AQR: variants seen among roughly 807,000 people sequenced by gnomAD.
AQR encodes aquarius intron-binding spliceosomal factor.
AQR carries 61 observed loss-of-function variants against 180.5 expected under a neutral mutation model. The observed-to-expected ratio is 0.34, with a 90% CI of 0.28 to 0.42. The LOEUF is 0.42. Among genes scored for constraint, AQR ranks in the 10% least tolerant of loss-of-function variants. The probability of loss-of-function intolerance (pLI) is 1.00; values close to 1 mark genes in which losing one functional copy is unlikely to be tolerated. For missense variants in AQR, 1,281 were observed against 1,798.3 expected, an observed-to-expected ratio of 0.71 and a Z score of 5.20; for synonymous variants, 551 against 588.8, an observed-to-expected ratio of 0.94 and a Z score of 0.93.
intron 19 of AQR, 37 bp from the exon 20 acceptor site, chr15:34,900,900 T>C (rs775977577): frequency 7.8e-6 from 12 of 1,547,336 alleles, no homozygotes; most frequent in Non-Finnish European, 7.9e-6. Flanking sequence ...TGTGTCAGTA[T>C]GACATCTCCA....
At position 34,969,483 on chromosome 15, in the gene AQR, C is replaced by T. The variant is rs939460323; in HGVS notation, c.75+56G>A. ...CCTGAAAAAAAACCCCACCACCAGG[C>T]CTCGGGGCCACGACGTCCATACCCA... On this transcript the variant is annotated intron_variant, in intron 1 of 34. Coordinates refer to ENST00000156471, the MANE Select transcript of AQR (RefSeq NM_014691.3). 4.4e-6 allele frequency: 7 copies of T among 1,595,842 alleles called. No individual in the cohort carries two copies. The African/African-American group carries it at 8.0e-5, about 18-fold the overall frequency.
intron 31 of AQR, among the ~76,000 whole-genome samples, chr15:34,870,458 A>T (rs1318909251): frequency 6.6e-6 from 1 of 152,086 alleles, no homozygotes; most frequent in Non-Finnish European, 1.5e-5. Flanking sequence ...GCAAAGCAAA[A>T]CATACTCCTT....
At chr15:34,875,769 T>C (rs1256100293) in intron 28 of AQR, among the ~76,000 whole-genome samples, 166 bp downstream of exon 28, 1 of 152,156 alleles carries the variant, frequency 6.6e-6, no homozygotes, top group African/African-American at 2.4e-5. Context: ...AGCCAGTGAA[T>C]AGATTCAAGA....
At chr15:34,859,992 A>G (rs1892646485) in intron 34 of AQR, 50 bp downstream of exon 34, 1 of 1,019,274 alleles carries the variant, frequency 9.8e-7, no homozygotes, top group Non-Finnish European at 1.3e-6. Flanking sequence ...TGAAAAAAAG[A>G]AAATTATTTC....
chr15:34,963,661 CTT>C (rs35112194), intron 2 of AQR, among the ~76,000 whole-genome samples: 9 of 148,680 alleles, frequency 6.1e-5, no homozygotes, highest in African/African-American at 1.0e-4. Flanking sequence ...TACACGTACA[CTT>C]TTTTTTTTTC....
chr15:34,969,741 A>G lies in AQR; in HGVS notation c.-128T>C. The G allele has an allele frequency of 1.1e-6, 1 of 918,620 alleles. No individual in the cohort carries two copies. The highest frequency in any genetic ancestry group is 1.7e-5 in the South Asian group (1 of 58,798). The allele number at this position is 918,620 out of a possible 1,614,324, so 56.9% of individuals were successfully genotyped here. On this transcript the variant is annotated 5_prime_UTR_variant, in exon 1 of 35. Coordinates refer to ENST00000156471, the MANE Select transcript of AQR (RefSeq NM_014691.3). Reference sequence around the variant, plus strand: ...GCGCCGCACAAACGCTCCGGGCCGGATATCCTCAGCCTTCAGAGTCCCGTA... The same window carrying G: ...GCGCCGCACAAACGCTCCGGGCCGGGTATCCTCAGCCTTCAGAGTCCCGTA...
chr15:34,859,943 G>T, intron 34 of AQR, 99 bp downstream of exon 34: 3 of 505,630 alleles, frequency 5.9e-6, no homozygotes, highest in East Asian at 3.4e-5. Flanking sequence ...TAGTTTAGCT[G>T]ATTTCCCACA....
chr15:34,919,150 A>G (rs1418782835), intron 14 of AQR, among the ~76,000 whole-genome samples: 1 of 151,776 alleles, frequency 6.6e-6, no homozygotes, highest in African/African-American at 2.4e-5. Flanking sequence ...GAGGCAAGAG[A>G]ATTGCTTGAA....
intron 32 of AQR, 114 bp downstream of exon 32, chr15:34,867,410 C>T (rs1423468174): frequency 1.2e-6 from 1 of 824,694 alleles, no homozygotes; most frequent in East Asian, 2.8e-5. Flanking sequence ...GCAAAAGTTG[C>T]CTAGTAATTA....
At chr15:34,927,818 G>T (rs760402066) in intron 12 of AQR, among the ~76,000 whole-genome samples, 5 of 152,220 alleles carry the variant, frequency 3.3e-5, no homozygotes, top group Non-Finnish European at 7.3e-5. Context: ...TGCCATGAGT[G>T]AGCTTGCCAT....
intron 24 of AQR, among the ~76,000 whole-genome samples, chr15:34,886,960 T>TA (rs1345367199): frequency 9.2e-5 from 14 of 151,730 alleles, no homozygotes; most frequent in African/African-American, 3.1e-4. Context: ...CTGTCTCTAC[T>TA]AAAAATACAA....
intron 5 of AQR, among the ~76,000 whole-genome samples, chr15:34,945,876 AT>A (rs1894105221): frequency 1.3e-5 from 2 of 152,212 alleles, no homozygotes; most frequent in Non-Finnish European, 2.9e-5. Context: ...GAAAACAAAG[AT>A]TTTGGATCCC....
At chr15:34,956,696 G>GAAAAAAAAAAAAAA (rs565202160) in intron 3 of AQR, among the ~76,000 whole-genome samples, 11 of 83,348 alleles carry the variant, frequency 1.3e-4, no homozygotes, top group South Asian at 5.5e-4. Flanking sequence ...TAAGAAGTCA[G>GAAAAAAAAAAAAAA]AAAAAAAAAA....
intron 3 of AQR, among the ~76,000 whole-genome samples, chr15:34,956,201 A>T (rs1371484210): frequency 6.6e-6 from 1 of 152,158 alleles, no homozygotes; most frequent in East Asian, 1.9e-4. Flanking sequence ...ATACATTTCA[A>T]ATAAAAATAA....
chr15:34,900,200 G>A (rs1264834351), intron 20 of AQR, among the ~76,000 whole-genome samples: 1 of 152,032 alleles, frequency 6.6e-6, no homozygotes, highest in African/African-American at 2.4e-5. Context: ...GCTATATTAT[G>A]AACATTTCAA....
Position 34,948,114 on chromosome 15 carries a change from T to TACC in AQR, c.330+149_330+150insGGT, listed in dbSNP as rs994426313. ...AGTATTGAAACCAAAAGAAAACATATCTTTCACATACCCATTCTTTTTCTC... is the reference window on the plus strand; with the variant it reads ...AGTATTGAAACCAAAAGAAAACATATACCCTTTCACATACCCATTCTTTTTCTC... On this transcript the variant is annotated intron_variant, in intron 5 of 34. Coordinates refer to ENST00000156471, the MANE Select transcript of AQR (RefSeq NM_014691.3). 3 of 803,244 alleles carry TACC rather than the reference T, an allele frequency of 3.7e-6. No individual in the cohort carries two copies. In the Admixed American group the frequency reaches 8.6e-5, roughly 23 times the overall value. 49.8% of individuals were successfully genotyped at this position (803,244 alleles called of 1,614,324 possible). A position where few individuals can be genotyped will look rare whatever the true frequency, so the allele number is the denominator to read the frequency against.
intron 30 of AQR, among the ~76,000 whole-genome samples, chr15:34,873,312 A>G (rs1892847632): frequency 6.6e-6 from 1 of 152,168 alleles, no homozygotes; most frequent in Non-Finnish European, 1.5e-5. Flanking sequence ...CTAGCATTGT[A>G]TGAGAATAAA....
At chr15:34,909,919 T>G (rs972502371) in intron 17 of AQR, among the ~76,000 whole-genome samples, 1 of 152,252 alleles carries the variant, frequency 6.6e-6, no homozygotes, top group African/African-American at 2.4e-5. Context: ...TACTTTTTAT[T>G]AAAGTATTAA....
chr15:34,922,166 A>G (rs1893693384), intron 13 of AQR, among the ~76,000 whole-genome samples: 1 of 152,150 alleles, frequency 6.6e-6, no homozygotes, highest in African/African-American at 2.4e-5. Flanking sequence ...GCATTTGAGC[A>G]TTTGAGATTC....
Sources: allele counts gnomAD v4.1 joint callset (sites outside exome capture counted in the v4.1 genomes callset), GRCh38; gene constraint gnomAD v4.1.1; transcripts MANE v1.5; gene names NCBI Gene and HGNC (gene_info 2026-07-23, HGNC 2026-07-21).